The following GANC variants were observed in gnomAD, a reference collection of about 807,000 sequenced individuals.
The protein encoded by GANC is glucosidase alpha, neutral C, also known as neutral alpha-glucosidase C.
In GANC, 117 loss-of-function variants were observed where a neutral mutation model predicts 124.2. The ratio of observed to expected loss-of-function variants is 0.94; its 90% CI spans 0.81 to 1.10. The LOEUF is 1.10. Among genes scored for constraint, GANC ranks in the 50% least tolerant of loss-of-function variants. The probability of loss-of-function intolerance (pLI) is 0.00; values close to 1 mark genes in which losing one functional copy is unlikely to be tolerated. For missense variants in GANC, 1,140 were observed against 1,095.0 expected, an observed-to-expected ratio of 1.04 and a Z score of -0.58; for synonymous variants, 377 against 376.8, an observed-to-expected ratio of 1.00 and a Z score of -0.01.
rs1259945579 is a variant in GANC at position 42,307,291 on chromosome 15, C to T, written c.625+679C>T. Among the ~76,000 whole-genome samples the T allele has an allele frequency of 2.0e-5, 3 of 151,766 alleles. No individual in the cohort carries two copies. The East Asian group carries it at 5.8e-4, about 29-fold the overall frequency. ...GAATGCCCCAAATTAAAAGTGGGGG[C>T]ATGGGTTCTCAGGCCCTCCTTTCTG... On this transcript the variant is annotated intron_variant, in intron 7 of 23. Transcript: ENST00000318010.
chr15:42,339,563 T>C (rs886890243), intron 16 of GANC, 106 bp from the exon 17 acceptor site: 3 of 1,306,804 alleles, frequency 2.3e-6, no homozygotes, highest in African/African-American at 2.9e-5. Context: ...TCATTTGAAG[T>C]GCATATACTG....
Position 42,339,867 on chromosome 15 carries a change from ATTCTCTG to A in GANC, c.2047_2053del (p.Leu683ThrfsTer11), listed in dbSNP as rs2052316195. 6.2e-7 allele frequency: 1 copy of A among 1,614,182 alleles called. No homozygotes were observed. The highest frequency in any genetic ancestry group is 1.3e-5 in the African/African-American group (1 of 75,052). Reference sequence around the variant, plus strand: ...CGCTATGGCCTCCTGCCATATTGGTATTCTCTGTTCTACCATGCACACGTGGCTTCCC... The same window carrying A: ...CGCTATGGCCTCCTGCCATATTGGTATTCTACCATGCACACGTGGCTTCCC... On this transcript the variant is annotated frameshift_variant, in exon 17 of 24. Coordinates refer to ENST00000318010, the MANE Select transcript of GANC (RefSeq NM_198141.3). LOFTEE classifies it high-confidence loss of function.
intron 23 of GANC, 105 bp downstream of exon 23, chr15:42,351,537 G>T: frequency 1.3e-6 from 1 of 792,854 alleles, no homozygotes. Flanking sequence ...GAGCCTGAGT[G>T]TGTGCTTTCA....
chr15:42,311,895 C>G (rs1048024926), intron 10 of GANC, among the ~76,000 whole-genome samples: 4 of 151,822 alleles, frequency 2.6e-5, no homozygotes, highest in African/African-American at 9.7e-5. Flanking sequence ...AATGAACAAT[C>G]CAAAAAAATT....
chr15:42,306,152 G>A (rs533479258), intron 6 of GANC, among the ~76,000 whole-genome samples: 1 of 151,820 alleles, frequency 6.6e-6, no homozygotes, highest in African/African-American at 2.4e-5. Context: ...TCAGCCTCCT[G>A]AGTAGCTGGG....
At chr15:42,315,994 A>G (rs2052097928) in intron 10 of GANC, among the ~76,000 whole-genome samples, 2 of 152,048 alleles carry the variant, frequency 1.3e-5, no homozygotes, top group Non-Finnish European at 2.9e-5. Flanking sequence ...GTGTATGTAT[A>G]CATATTTATA....
chr15:42,343,011 TAAAGAG>T (rs1187714150), intron 18 of GANC, 61 bp from the exon 19 acceptor site: 312 of 1,355,768 alleles, frequency 2.3e-4, no homozygotes, highest in Non-Finnish European at 1.6e-4. Context: ...AGCACTCAGT[TAAAGAG>T]AAAGGAGATT....
intron 13 of GANC, among the ~76,000 whole-genome samples, chr15:42,328,873 A>T (rs955764490): frequency 6.6e-6 from 1 of 152,188 alleles, no homozygotes; most frequent in Admixed American, 6.5e-5. Flanking sequence ...CTTTCAAAGT[A>T]TTAGAGAGAA....
At chr15:42,310,513 C>A in intron 9 of GANC, 50 bp downstream of exon 9, 1 of 1,523,920 alleles carries the variant, frequency 6.6e-7, no homozygotes, top group Non-Finnish European at 8.9e-7. Flanking sequence ...GAAACAAAAC[C>A]ACTGCAGTGG....
rs1343757762 is a variant in GANC, at chr15:42,276,416, G to GA, written c.92+10dup. On this transcript the variant is annotated splice_region_variant and intron_variant, in intron 2 of 23. Transcript: ENST00000318010. ...AACAAGATCGCATTTTACAGGTAAG[G>GA]AAAATAAATATAGTAGCTAGATCAA... 12 of 1,346,024 alleles carry GA rather than the reference G, an allele frequency of 8.9e-6. No individual in the cohort carries two copies. The highest frequency in any genetic ancestry group is 1.3e-5 in the Non-Finnish European group (12 of 939,636). The allele number at this position is 1,346,024 out of a possible 1,614,324, so 83.4% of individuals were successfully genotyped here.
chr15:42,339,514 G>A (rs2052312758), intron 16 of GANC, among the ~76,000 whole-genome samples, 155 bp from the exon 17 acceptor site: 1 of 152,182 alleles, frequency 6.6e-6, no homozygotes, highest in South Asian at 2.1e-4. Flanking sequence ...GAATTATGTA[G>A]TAAGGGGGTC....
intron 15 of GANC, among the ~76,000 whole-genome samples, chr15:42,332,328 C>CA (rs929632451): frequency 5.3e-5 from 8 of 151,008 alleles, no homozygotes; most frequent in South Asian, 2.1e-4. Context: ...TTTTTAATCA[C>CA]AAAAAAAAGT....
At chr15:42,304,971 A>G (rs866725702) in intron 6 of GANC, among the ~76,000 whole-genome samples, 2 of 152,226 alleles carry the variant, frequency 1.3e-5, no homozygotes, top group South Asian at 4.1e-4. Context: ...AAGATGAATT[A>G]AAGACTTAAA....
At chr15:42,341,991 C>G (rs897493495) in intron 18 of GANC, among the ~76,000 whole-genome samples, 1 of 152,136 alleles carries the variant, frequency 6.6e-6, no homozygotes, top group African/African-American at 2.4e-5. Flanking sequence ...AAATCAGCCC[C>G]TCTTATTATG....
chr15:42,350,784 G>C (rs193103841), intron 22 of GANC, among the ~76,000 whole-genome samples: 2 of 151,800 alleles, frequency 1.3e-5, no homozygotes, highest in Admixed American at 1.3e-4. Flanking sequence ...TCGAACTCCT[G>C]ACCTCAAGTG....
intron 14 of GANC, among the ~76,000 whole-genome samples, chr15:42,330,242 G>A (rs73400993): frequency 6.6e-6 from 1 of 151,982 alleles, no homozygotes; most frequent in Non-Finnish European, 1.5e-5. Context: ...TCAGTTTTTC[G>A]TACCAATGAA....
intron 6 of GANC, among the ~76,000 whole-genome samples, chr15:42,303,122 A>G (rs1399417342): frequency 4.6e-5 from 7 of 152,246 alleles, no homozygotes; most frequent in Admixed American, 4.6e-4. Flanking sequence ...CAGGTTACCC[A>G]CAAAGGGAAG....
chr15:42,295,804 C>G (rs937284916), intron 5 of GANC, among the ~76,000 whole-genome samples: 1 of 152,048 alleles, frequency 6.6e-6, no homozygotes, highest in Admixed American at 6.6e-5. Context: ...CAGTTTTTGC[C>G]TTATATAGTT....
chr15:42,278,862 G>C (rs755059427), intron 3 of GANC, among the ~76,000 whole-genome samples: 1 of 152,116 alleles, frequency 6.6e-6, no homozygotes, highest in African/African-American at 2.4e-5. Context: ...AGGCACAGTG[G>C]TGTATGCCTG....
Sources: allele counts gnomAD v4.1 joint callset (sites outside exome capture counted in the v4.1 genomes callset), GRCh38; gene constraint gnomAD v4.1.1; transcripts MANE v1.5; gene names NCBI Gene and HGNC (gene_info 2026-07-23, HGNC 2026-07-21).